The following RPE65 variants were observed in gnomAD, a reference collection of about 807,000 sequenced individuals.
RPE65 encodes retinoid isomerohydrolase.
RPE65 carries 58 observed loss-of-function variants against 68.5 expected under a neutral mutation model. That is an observed-to-expected ratio of 0.85 (90% CI 0.69 to 1.05). The LOEUF is 1.05. Among genes scored for constraint, RPE65 ranks in the 50% least tolerant of loss-of-function variants. RPE65 has a pLI of 0.00. For synonymous variants in RPE65, 220 were observed against 222.2 expected, an observed-to-expected ratio of 0.99 and a Z score of 0.09; for missense variants, 643 against 629.9, an observed-to-expected ratio of 1.02 and a Z score of -0.22.
At chr1:68,445,592 C>A (rs916770948) in intron 3 of RPE65, among the ~76,000 whole-genome samples, 2 of 152,198 alleles carry the variant, frequency 1.3e-5, no homozygotes, top group East Asian at 1.9e-4. Flanking sequence ...TGGCTCACTG[C>A]AACCTCCGCC....
At chr1:68,445,900 C>T (rs1645939203) in intron 3 of RPE65, among the ~76,000 whole-genome samples, 1 of 151,808 alleles carries the variant, frequency 6.6e-6, no homozygotes, top group African/African-American at 2.4e-5. Context: ...GCTCTTATGG[C>T]TACATTTCTG....
intron 2 of RPE65, among the ~76,000 whole-genome samples, chr1:68,447,580 G>A (rs1156392722): frequency 6.6e-6 from 1 of 152,228 alleles, no homozygotes; most frequent in Non-Finnish European, 1.5e-5. Context: ...ACCCAGGTAG[G>A]GCCGGGCGCG....
At chr1:68,438,913 T>C in intron 9 of RPE65, 29 bp downstream of exon 9, 1 of 1,613,038 alleles carries the variant, frequency 6.2e-7, no homozygotes, top group East Asian at 2.2e-5. Flanking sequence ...CAATGGGAGG[T>C]GTCCCATTTG....
intron 9 of RPE65, among the ~76,000 whole-genome samples, chr1:68,438,558 T>TC (rs1355824456): frequency 6.6e-6 from 1 of 152,138 alleles, no homozygotes; most frequent in Non-Finnish European, 1.5e-5. Flanking sequence ...TGTCTTCCTG[T>TC]CACCATTCTG....
In RPE65 at chr1:68,439,165, A is replaced by G. The variant is rs183057836; in HGVS notation, c.858+26T>C. 171 of 1,614,102 alleles carry G rather than the reference A, an allele frequency of 1.1e-4. No individual in the cohort carries two copies. The Admixed American group carries it at 2.8e-3, about 27-fold the overall frequency. ...AAACACATCTTCTTCAGAATCACAAACTTGACAAATATATCTAAGACTTAC... is the reference window on the plus strand; with the variant it reads ...AAACACATCTTCTTCAGAATCACAAGCTTGACAAATATATCTAAGACTTAC... On this transcript the variant is annotated intron_variant, in intron 8 of 13. Transcript: ENST00000262340.
At chr1:68,449,096 G>A (rs1162425994) in intron 1 of RPE65, among the ~76,000 whole-genome samples, 1 of 152,116 alleles carries the variant, frequency 6.6e-6, no homozygotes, top group African/African-American at 2.4e-5. Flanking sequence ...TTCCTAAACA[G>A]GGTCCTTCCC....
intron 13 of RPE65, 110 bp downstream of exon 13, chr1:68,430,955 A>G: frequency 2.4e-6 from 2 of 827,632 alleles, no homozygotes; most frequent in Non-Finnish European, 4.1e-6. Context: ...TATAGTATTA[A>G]GGATCGTTTT....
rs372504908 is a variant in RPE65 at position 68,429,913 on chromosome 1, C to T, written c.1465G>A (p.Val489Met). 16 of 1,613,638 alleles carry T rather than the reference C, an allele frequency of 9.9e-6. No individual in the cohort carries two copies. The highest frequency in any genetic ancestry group is 1.3e-5 in the African/African-American group (1 of 74,854). ...TGTCCTGCTCCTGGGCTCACCACCA[C>T]ACTCAGAACTACACCTGTTTATCAG... ...LEEDDGVVLSVVVSPGAGQKP... is the reference protein window; with the variant it reads ...LEEDDGVVLSMVVSPGAGQKP... Residue 489 changes from valine (V) to methionine (M), a missense_variant, in exon 14 of 14, where the codon GTG (valine) becomes ATG (methionine). Val to Met is a conservative substitution (Grantham distance 21). Coordinates refer to ENST00000262340, the MANE Select transcript of RPE65 (RefSeq NM_000329.3).
chr1:68,441,931 T>C (rs764172518), intron 5 of RPE65, among the ~76,000 whole-genome samples: 15 of 152,198 alleles, frequency 9.9e-5, no homozygotes, highest in Non-Finnish European at 1.8e-4. Context: ...CCAGGCACTG[T>C]ATCAGGGCTC....
At chr1:68,449,196 G>T (rs187389362) in intron 1 of RPE65, among the ~76,000 whole-genome samples, 1 of 152,094 alleles carries the variant, frequency 6.6e-6, no homozygotes, top group Admixed American at 6.5e-5. Flanking sequence ...TCCTTCCTAG[G>T]GGTTGAGAGA....
chr1:68,435,412 T>C (rs539837561), intron 10 of RPE65, among the ~76,000 whole-genome samples: 13 of 152,198 alleles, frequency 8.5e-5, no homozygotes, highest in Non-Finnish European at 1.3e-4. Flanking sequence ...TATTCTTACA[T>C]ATTTCATTAT....
chr1:68,430,858 C>G (rs530756277), intron 13 of RPE65, among the ~76,000 whole-genome samples: 2 of 152,124 alleles, frequency 1.3e-5, no homozygotes, highest in Non-Finnish European at 2.9e-5. Flanking sequence ...GGTGCTTTGA[C>G]ATTTTTTTCT....
intron 3 of RPE65, 52 bp from the exon 4 acceptor site, chr1:68,444,935 G>A (rs2100828659): frequency 6.7e-7 from 1 of 1,503,646 alleles, no homozygotes; most frequent in Non-Finnish European, 9.3e-7. Context: ...AATCCGTACA[G>A]CCCATGTGGA....
At chr1:68,445,811 C>G (rs919390623) in intron 3 of RPE65, among the ~76,000 whole-genome samples, 3 of 151,998 alleles carry the variant, frequency 2.0e-5, no homozygotes, top group African/African-American at 7.2e-5. Flanking sequence ...CCACCCACAC[C>G]CGGTCGCACT....
At chr1:68,449,793 AACAGGT>A in intron 1 of RPE65, 96 bp downstream of exon 1, 1 of 1,388,018 alleles carries the variant, frequency 7.2e-7, no homozygotes, top group Non-Finnish European at 1.0e-6. Flanking sequence ...GTCTTTCCTA[AACAGGT>A]CATTAATCAA....
rs565946703 is a variant in RPE65, at chr1:68,428,823, T to C, written c.*953A>G. The C allele has an allele frequency of 6.6e-6, 1 of 152,128 alleles. No homozygotes were observed. Among genetic ancestry groups the C allele is most frequent in the Non-Finnish European group, 1.5e-5 (1 of 67,976 alleles). The allele number at this position is 152,128 out of a possible 1,614,324, so 9.4% of individuals were successfully genotyped here. On this transcript the variant is annotated 3_prime_UTR_variant, in exon 14 of 14. Transcript: ENST00000262340. ...ATACTAGAATTAAGATATAAAACATTATTTTTGTCAATATTTATTTTTAAA... is the reference window on the plus strand; with the variant it reads ...ATACTAGAATTAAGATATAAAACATCATTTTTGTCAATATTTATTTTTAAA...
intron 5 of RPE65, among the ~76,000 whole-genome samples, chr1:68,441,576 G>T (rs1455340071): frequency 6.6e-6 from 1 of 151,950 alleles, no homozygotes; most frequent in Non-Finnish European, 1.5e-5. Context: ...AAAGCATACA[G>T]CATTTAATTC....
At chr1:68,444,091 A>G (rs192340859) in intron 5 of RPE65, among the ~76,000 whole-genome samples, 19 of 152,342 alleles carry the variant, frequency 1.2e-4, no homozygotes, top group Admixed American at 9.1e-4. Flanking sequence ...GGCAGGGACC[A>G]TGTTACCCTA....
intron 3 of RPE65, among the ~76,000 whole-genome samples, 187 bp from the exon 4 acceptor site, chr1:68,445,070 G>T (rs1037276020): frequency 6.6e-6 from 1 of 152,126 alleles, no homozygotes; most frequent in African/African-American, 2.4e-5. Context: ...AATGTCCCTT[G>T]AGTTTACGTT....
Sources: allele counts gnomAD v4.1 joint callset (sites outside exome capture counted in the v4.1 genomes callset), GRCh38; gene constraint gnomAD v4.1.1; transcripts MANE v1.5; gene names NCBI Gene and HGNC (gene_info 2026-07-23, HGNC 2026-07-21).